Variants in AGMO observed in about 807,000 individuals in gnomAD.
AGMO encodes glyceryl-ether monooxygenase.
Under a neutral mutation model 60.2 loss-of-function variants are expected in AGMO, and 75 were observed. The ratio of observed to expected loss-of-function variants is 1.25; its 90% confidence interval spans 1.03 to 1.51. AGMO has a LOEUF of 1.51. Ranked by LOEUF, AGMO falls within the 40% of genes most tolerant of loss-of-function variation. The pLI is 0.00. For synonymous variants in AGMO, 261 were observed against 177.1 expected (o/e 1.47, Z -3.76); for missense variants, 763 against 525.5 (o/e 1.45, Z -4.42).
chr7:15,334,535 ATC>A (rs1308312496), intron 12 of AGMO, among the ~76,000 whole-genome samples: 4 of 152,154 alleles, frequency 2.6e-5, no homozygotes, highest in East Asian at 1.9e-4. Context: ...TCATCAGAAT[ATC>A]TGTTAGTTAA....
At chr7:15,530,606 C>T (rs1482703552) in intron 3 of AGMO, among the ~76,000 whole-genome samples, 10 of 95,542 alleles carry the variant, frequency 1.0e-4, no homozygotes, top group East Asian at 3.0e-4. Flanking sequence ...ATTCTATATA[C>T]GTATTTCTAT....
chr7:15,216,182 G>A (rs866473678), intron 12 of AGMO, among the ~76,000 whole-genome samples: 25 of 152,040 alleles, frequency 1.6e-4, no homozygotes, highest in African/African-American at 5.8e-4. Context: ...GTATTTAAAA[G>A]CTGGAAAACA....
At position 15,308,952 on chromosome 7, in the gene AGMO, T is replaced by G. The variant is rs186132989; in HGVS notation, c.1263+56562A>C. On this transcript the variant is annotated intron_variant, in intron 12 of 12. Coordinates refer to ENST00000342526, the MANE Select transcript of AGMO (RefSeq NM_001004320.2). ...CTTGTGGTTGGTCAAATGGAGTGAT[T>G]TGGTTTGAATTCACAACTTAAACGC... 5.9e-5 allele frequency among the ~76,000 whole-genome samples: 9 copies of G among 152,310 alleles called. No homozygotes were observed. The East Asian group carries it at 1.4e-3, about 23-fold the overall frequency.
intron 12 of AGMO, among the ~76,000 whole-genome samples, chr7:15,284,829 A>G (rs1304040451): frequency 3.3e-5 from 5 of 152,164 alleles, no homozygotes; most frequent in Admixed American, 3.3e-4. Flanking sequence ...AAAATCCTCA[A>G]TAGAATACTA....
intron 12 of AGMO, among the ~76,000 whole-genome samples, chr7:15,246,787 T>C (rs1465487633): frequency 6.6e-6 from 1 of 152,178 alleles, no homozygotes; most frequent in African/African-American, 2.4e-5. Flanking sequence ...ATCCTGCTTC[T>C]AGCTAGCATT....
intron 12 of AGMO, among the ~76,000 whole-genome samples, chr7:15,332,215 T>C (rs1781518647): frequency 6.6e-6 from 1 of 152,128 alleles, no homozygotes. Flanking sequence ...CAGTAAGTAT[T>C]GTGGTGTTGA....
the AGMO span, among the ~76,000 whole-genome samples, chr7:15,140,510 T>A: frequency 8.5e-5 from 13 of 152,194 alleles, no homozygotes; most frequent in African/African-American, 3.1e-4. Context: ...CATAGGACTC[T>A]AATTAGACAT....
chr7:15,419,021 C>T (rs528293001), intron 4 of AGMO, among the ~76,000 whole-genome samples: 27 of 151,866 alleles, frequency 1.8e-4, no homozygotes, highest in African/African-American at 6.0e-4. Context: ...GACTTTATAC[C>T]TTTGACAGCT....
At chr7:15,327,999 C>T (rs1276634743) in intron 12 of AGMO, among the ~76,000 whole-genome samples, 2 of 151,898 alleles carry the variant, frequency 1.3e-5, no homozygotes, top group African/African-American at 2.4e-5. Context: ...TTGTCATGAA[C>T]TTCTAGGCTC....
At chr7:15,186,869 C>G in the AGMO span, among the ~76,000 whole-genome samples, 3 of 152,044 alleles carry the variant, frequency 2.0e-5, no homozygotes, top group African/African-American at 7.2e-5. Context: ...GAAACATTCC[C>G]TAATGTGTCC....
intron 12 of AGMO, among the ~76,000 whole-genome samples, chr7:15,332,388 G>C (rs531623902): frequency 1.3e-5 from 2 of 152,142 alleles, no homozygotes; most frequent in East Asian, 1.9e-4. Flanking sequence ...CTAAAGGTCT[G>C]TCTCGTCTGG....
intron 12 of AGMO, among the ~76,000 whole-genome samples, chr7:15,308,821 G>A (rs1446204728): frequency 6.6e-6 from 1 of 152,030 alleles, no homozygotes; most frequent in Non-Finnish European, 1.5e-5. Context: ...ACATATTGTG[G>A]ATAAAGAAAC....
At chr7:15,354,154 G>C (rs1026657768) in intron 12 of AGMO, among the ~76,000 whole-genome samples, 2 of 151,068 alleles carry the variant, frequency 1.3e-5, no homozygotes, top group African/African-American at 4.9e-5. Flanking sequence ...TTTTAAAGGA[G>C]ACCACAAATA....
intron 12 of AGMO, among the ~76,000 whole-genome samples, chr7:15,264,452 G>A (rs186280999): frequency 6.3e-4 from 96 of 152,010 alleles, no homozygotes; most frequent in African/African-American, 1.9e-3. Flanking sequence ...TCTTTTCTAT[G>A]ATACTAACTA....
chr7:15,230,666 G>A (rs1583310910), intron 12 of AGMO, among the ~76,000 whole-genome samples: 1 of 152,256 alleles, frequency 6.6e-6, no homozygotes, highest in South Asian at 2.1e-4. Context: ...TTTTTCAGGT[G>A]GCTCTGCAGA....
rs565925609 is a variant in AGMO, at chr7:15,441,952, C to G, written c.410-10844G>C. 2.0e-4 allele frequency among the ~76,000 whole-genome samples: 31 copies of G among 152,282 alleles called. No homozygotes were observed. In the East Asian group the frequency reaches 5.4e-3, roughly 27 times the overall value. On this transcript the variant is annotated intron_variant, in intron 3 of 12. Coordinates refer to ENST00000342526, the MANE Select transcript of AGMO (RefSeq NM_001004320.2). ...AAATCTTACCAGGATCTCTTTGCTA[C>G]TAATCAGGACTTCCTATTGGTCTTA... is the stretch of plus-strand genomic sequence containing the variant.
At chr7:15,450,219 G>C (rs578083127) in intron 3 of AGMO, among the ~76,000 whole-genome samples, 23 of 152,164 alleles carry the variant, frequency 1.5e-4, no homozygotes, top group African/African-American at 5.3e-4. Flanking sequence ...AAGAGATCGA[G>C]ACCATCCTGG....
chr7:15,468,160 T>C lies in AGMO; in HGVS notation c.410-37052A>G, dbSNP rs1231053875. 3.3e-5 allele frequency among the ~76,000 whole-genome samples: 5 copies of C among 152,208 alleles called. No homozygotes were observed. In the East Asian group the frequency reaches 9.6e-4, roughly 29 times the overall value. ...GAAGATACTGAATTTAAATGCTGGCTTTAGTTGCTAATCCAAAATGGTGAT... is the reference window on the plus strand; with the variant it reads ...GAAGATACTGAATTTAAATGCTGGCCTTAGTTGCTAATCCAAAATGGTGAT... On this transcript the variant is annotated intron_variant, in intron 3 of 12. Transcript: ENST00000342526.
At chr7:15,304,570 G>A (rs1474482922) in intron 12 of AGMO, among the ~76,000 whole-genome samples, 2 of 152,064 alleles carry the variant, frequency 1.3e-5, no homozygotes, top group Admixed American at 6.6e-5. Context: ...GGTTTGTCAA[G>A]TTATTTGTAA....
Sources: allele counts gnomAD v4.1 joint callset (sites outside exome capture counted in the v4.1 genomes callset), GRCh38; gene constraint gnomAD v4.1.1; transcripts MANE v1.5; gene names NCBI Gene and HGNC (gene_info 2026-07-23, HGNC 2026-07-21).